Variants in ITGA9 observed in about 807,000 individuals in gnomAD.
The protein encoded by ITGA9 is integrin subunit alpha 9, also known as integrin alpha-9.
A neutral mutation model predicts 127.8 loss-of-function variants in ITGA9; 56 were observed. The observed-to-expected ratio is 0.44, with a 90% CI of 0.35 to 0.55. The LOEUF is 0.55. ITGA9 is among the 20% of genes least tolerant of loss of function. ITGA9 has a pLI of 0.00. For synonymous variants in ITGA9, 508 were observed against 514.5 expected (o/e 0.99, Z 0.17); for missense variants, 1,196 against 1,347.1 (o/e 0.89, Z 1.76).
chr3:37,798,740 T>G (rs1697202960), intron 26 of ITGA9, among the ~76,000 whole-genome samples: 1 of 152,264 alleles, frequency 6.6e-6, no homozygotes, highest in South Asian at 2.1e-4. Flanking sequence ...TAGCCAGTTT[T>G]GTATTTGATT....
At chr3:37,563,521 A>G (rs893692120) in intron 15 of ITGA9, among the ~76,000 whole-genome samples, 1 of 152,172 alleles carries the variant, frequency 6.6e-6, no homozygotes, top group African/African-American at 2.4e-5. Context: ...CCACCTCCCC[A>G]TTCTGGATGT....
At chr3:37,454,094 A>G (rs1320963454) in intron 1 of ITGA9, among the ~76,000 whole-genome samples, 2 of 152,202 alleles carry the variant, frequency 1.3e-5, no homozygotes, top group Admixed American at 1.3e-4. Context: ...ACTGTCAAAA[A>G]TGGGAGGGCT....
At chr3:37,653,834 T>C in intron 17 of ITGA9, 44 bp downstream of exon 17, 4 of 1,453,722 alleles carry the variant, frequency 2.8e-6, no homozygotes, top group Non-Finnish European at 3.9e-6. Context: ...AGGCTCCTTT[T>C]TCTTGACCCC....
intron 13 of ITGA9, among the ~76,000 whole-genome samples, chr3:37,529,144 C>T (rs1263264868): frequency 6.6e-6 from 1 of 152,214 alleles, no homozygotes; most frequent in African/African-American, 2.4e-5. Flanking sequence ...TTCATCCATC[C>T]TCTTGTTGAC....
intron 15 of ITGA9, among the ~76,000 whole-genome samples, chr3:37,571,597 G>A (rs1699602853): frequency 6.6e-6 from 1 of 152,200 alleles, no homozygotes; most frequent in Non-Finnish European, 1.5e-5. Flanking sequence ...CCCCACCCCA[G>A]CGTTTCTGAT....
intron 15 of ITGA9, among the ~76,000 whole-genome samples, chr3:37,578,767 A>G (rs1699677255): frequency 6.6e-6 from 1 of 152,080 alleles, no homozygotes; most frequent in Non-Finnish European, 1.5e-5. Flanking sequence ...TGTCTGAGCT[A>G]TTTCTGTATC....
chr3:37,678,474 C>T (rs1700703918), intron 17 of ITGA9, among the ~76,000 whole-genome samples: 1 of 152,126 alleles, frequency 6.6e-6, no homozygotes, highest in South Asian at 2.1e-4. Context: ...CTTGGCTGCC[C>T]TATACTATTA....
intron 23 of ITGA9, among the ~76,000 whole-genome samples, chr3:37,770,378 C>T (rs572466989): frequency 2.0e-5 from 3 of 152,238 alleles, no homozygotes; most frequent in South Asian, 4.1e-4. Flanking sequence ...ACTTTTCTGC[C>T]TCTTCAGTGT....
At chr3:37,561,660 G>C (rs1699489920) in intron 15 of ITGA9, among the ~76,000 whole-genome samples, 1 of 152,162 alleles carries the variant, frequency 6.6e-6, no homozygotes, top group African/African-American at 2.4e-5. Flanking sequence ...GGGATCACAG[G>C]GGTTGCCATT....
intron 13 of ITGA9, among the ~76,000 whole-genome samples, chr3:37,527,048 G>C (rs192773172): frequency 5.9e-4 from 90 of 152,356 alleles, no homozygotes; most frequent in Non-Finnish European, 1.2e-3. Context: ...CCGGGTTCCA[G>C]CCCTGACTCT....
Position 37,738,640 on chromosome 3 carries a change from C to T in ITGA9, c.2234+1657C>T, listed in dbSNP as rs139664812. On this transcript the variant is annotated intron_variant, in intron 20 of 27. Coordinates refer to ENST00000264741, the MANE Select transcript of ITGA9 (RefSeq NM_002207.3). ...AGGGGCGGCAGATGCCCATTCAAACCTGAAAATTCTCATTCTCTTGCCATT... is the reference window on the plus strand; with the variant it reads ...AGGGGCGGCAGATGCCCATTCAAACTTGAAAATTCTCATTCTCTTGCCATT... 1.1e-4 allele frequency among the ~76,000 whole-genome samples: 17 copies of T among 152,320 alleles called. No individual in the cohort carries two copies. The East Asian group carries it at 3.1e-3, about 28-fold the overall frequency.
At chr3:37,797,815 T>G (rs114134579) in intron 26 of ITGA9, among the ~76,000 whole-genome samples, 127 of 152,074 alleles carry the variant, frequency 8.4e-4, no homozygotes, top group African/African-American at 2.3e-3. Flanking sequence ...AGCCTTCACA[T>G]CCTAGATTCA....
Position 37,695,794 on chromosome 3 carries a change from T to G in ITGA9, c.2067+11779T>G, listed in dbSNP as rs903235377. ...GGCTGCATGTAACAGAAAAGCCACC[T>G]TTTTTAGCAGCTGATCCTTGTGAGA... On this transcript the variant is annotated intron_variant, in intron 18 of 27. Coordinates refer to ENST00000264741, the MANE Select transcript of ITGA9 (RefSeq NM_002207.3). 3.9e-5 allele frequency among the ~76,000 whole-genome samples: 6 copies of G among 152,358 alleles called. No homozygotes were observed. In the South Asian group the frequency reaches 1.2e-3, roughly 32 times the overall value.
At chr3:37,510,826 A>G (rs1698897211) in intron 8 of ITGA9, among the ~76,000 whole-genome samples, 1 of 152,000 alleles carries the variant, frequency 6.6e-6, no homozygotes, top group African/African-American at 2.4e-5. Context: ...TCTTTCTGCC[A>G]CTCACTCACA....
Position 37,799,168 on chromosome 3 carries a change from T to A in ITGA9, c.2890-4655T>A, listed in dbSNP as rs1210669649. On this transcript the variant is annotated intron_variant, in intron 26 of 27. Coordinates refer to ENST00000264741, the MANE Select transcript of ITGA9 (RefSeq NM_002207.3). This position sits in a 1 kb window ranked among gnomAD's most constrained non-coding sequence, Gnocchi z 4.0. ...ATGGATCAAAGGGTATGAACATTTT[T>A]ATTTTATTTTTTAATTTTTTATTTT... is the stretch of plus-strand genomic sequence containing the variant. Among the ~76,000 whole-genome samples the A allele has an allele frequency of 6.6e-6, 1 of 152,118 alleles. No homozygotes were observed. Among genetic ancestry groups the A allele is most frequent in the Non-Finnish European group, 1.5e-5 (1 of 68,022 alleles).
intron 8 of ITGA9, among the ~76,000 whole-genome samples, chr3:37,510,752 T>A (rs147323640): frequency 1.3e-5 from 2 of 152,306 alleles, no homozygotes; most frequent in African/African-American, 4.8e-5. Context: ...CGTAGCCATT[T>A]GACTTTTTCT....
At chr3:37,554,742 T>A (rs1480737640) in intron 15 of ITGA9, among the ~76,000 whole-genome samples, 1 of 152,060 alleles carries the variant, frequency 6.6e-6, no homozygotes, top group African/African-American at 2.4e-5. Context: ...GGGAATAAGA[T>A]ATCAAGGGTC....
At chr3:37,498,428 C>G (rs1025433008) in intron 5 of ITGA9, among the ~76,000 whole-genome samples, 1 of 152,054 alleles carries the variant, frequency 6.6e-6, no homozygotes, top group Non-Finnish European at 1.5e-5. Context: ...TTATGTTTGC[C>G]GCAGCAGCTG....
chr3:37,628,693 C>T (rs1490709915), intron 15 of ITGA9, among the ~76,000 whole-genome samples: 1 of 152,148 alleles, frequency 6.6e-6, no homozygotes, highest in Non-Finnish European at 1.5e-5. Context: ...GGCCAGGAGT[C>T]AGAATTTCAT....
Sources: gnomAD v4.1 joint callset for allele counts (sites outside exome capture counted in the v4.1 genomes callset) on GRCh38, gnomAD v4.1.1 for gene constraint, Gnocchi (gnomAD v3.1) non-coding constraint, MANE v1.5 for transcripts, NCBI Gene and HGNC (gene_info 2026-07-23, HGNC 2026-07-21) for gene names.